Variants in AGMO observed in about 807,000 individuals in gnomAD.
The protein encoded by AGMO is glyceryl-ether monooxygenase.
A neutral mutation model predicts 60.2 loss-of-function variants in AGMO; 75 were observed. That is an observed-to-expected ratio of 1.25 (90% CI 1.03 to 1.51). The LOEUF (loss-of-function observed/expected upper bound fraction) is 1.51. Ranked by LOEUF, AGMO falls within the 40% of genes most tolerant of loss-of-function variation. AGMO has a pLI of 0.00. For synonymous variants in AGMO, 261 were observed against 177.1 expected (o/e 1.47, Z -3.76); for missense variants, 763 against 525.5 (o/e 1.45, Z -4.42).
At position 15,549,148 on chromosome 7, in the gene AGMO, A is replaced by C. The variant is rs1235940193; in HGVS notation, c.258-4225T>G. Among the ~76,000 whole-genome samples, 1,264 of 147,458 alleles carry C rather than the reference A, an allele frequency of 8.6e-3. 7 individuals are homozygous for C. The highest frequency in any genetic ancestry group is 0.03 in the African/African-American group (1,167 of 39,034). On this transcript the variant is annotated intron_variant, in intron 2 of 12. Coordinates refer to ENST00000342526, the MANE Select transcript of AGMO (RefSeq NM_001004320.2). Reference sequence around the variant, plus strand: ...TTTTGTCACCACCAGGCCTGCCCTAAAAGAGCTCCTGAAGGAAGCGCTAAA... The same window carrying C: ...TTTTGTCACCACCAGGCCTGCCCTACAAGAGCTCCTGAAGGAAGCGCTAAA...
chr7:15,544,312 A>C (rs987570335), intron 3 of AGMO, among the ~76,000 whole-genome samples: 2 of 152,146 alleles, frequency 1.3e-5, no homozygotes, highest in Admixed American at 1.3e-4. Context: ...CGGAAATCAA[A>C]ACTGAAGAAC....
intron 12 of AGMO, among the ~76,000 whole-genome samples, chr7:15,232,365 T>C (rs1307316588): frequency 1.3e-5 from 2 of 152,202 alleles, no homozygotes; most frequent in East Asian, 3.9e-4. Context: ...AAAAGATAGC[T>C]TTTCCCTTTT....
At chr7:15,346,364 A>T (rs1782031507) in intron 12 of AGMO, among the ~76,000 whole-genome samples, 1 of 152,114 alleles carries the variant, frequency 6.6e-6, no homozygotes, top group Admixed American at 6.6e-5. Flanking sequence ...TTTAGTAAAT[A>T]ACTTGGGCTT....
chr7:15,307,520 T>C (rs985661161), intron 12 of AGMO, among the ~76,000 whole-genome samples: 5 of 151,966 alleles, frequency 3.3e-5, no homozygotes, highest in African/African-American at 7.2e-5. Flanking sequence ...CAGTAAAGTA[T>C]ACTAGTTTTT....
At chr7:15,348,282 A>G (rs1471144322) in intron 12 of AGMO, among the ~76,000 whole-genome samples, 1 of 152,080 alleles carries the variant, frequency 6.6e-6, no homozygotes, top group Non-Finnish European at 1.5e-5. Context: ...AACCCTCATC[A>G]ATATACATCA....
At chr7:15,191,191 T>C in the AGMO span, among the ~76,000 whole-genome samples, 3 of 152,292 alleles carry the variant, frequency 2.0e-5, no homozygotes, top group Non-Finnish European at 2.9e-5. Flanking sequence ...ACAGTTTCTT[T>C]ATAGAGTGGG....
intron 6 of AGMO, 47 bp downstream of exon 6, chr7:15,394,066 A>C (rs1784263826): frequency 7.1e-7 from 1 of 1,417,474 alleles, no homozygotes; most frequent in African/African-American, 1.4e-5. Context: ...TAATAATGCA[A>C]TTTTTAGAGA....
intron 10 of AGMO, among the ~76,000 whole-genome samples, chr7:15,369,872 G>A (rs1231860570): frequency 6.6e-6 from 1 of 152,068 alleles, no homozygotes; most frequent in African/African-American, 2.4e-5. Context: ...TTGCTAATAT[G>A]TTATTTTGGG....
the AGMO span, among the ~76,000 whole-genome samples, chr7:15,193,296 A>G: frequency 6.6e-6 from 1 of 152,196 alleles, no homozygotes; most frequent in Non-Finnish European, 1.5e-5. Context: ...CATATGTCAT[A>G]GCTCTTGTAT....
At chr7:15,376,605 T>A (rs1429616044) in intron 10 of AGMO, among the ~76,000 whole-genome samples, 1 of 152,132 alleles carries the variant, frequency 6.6e-6, no homozygotes, top group Admixed American at 6.6e-5. Context: ...TTATTACATA[T>A]CCTATTATAA....
intron 3 of AGMO, among the ~76,000 whole-genome samples, chr7:15,433,630 T>G (rs1188007391): frequency 6.6e-6 from 1 of 152,114 alleles, no homozygotes; most frequent in Non-Finnish European, 1.5e-5. Context: ...GAATTATCTG[T>G]TTTAAGAAAT....
the AGMO span, among the ~76,000 whole-genome samples, chr7:15,163,023 G>A: frequency 6.6e-6 from 1 of 152,010 alleles, no homozygotes; most frequent in Non-Finnish European, 1.5e-5. Flanking sequence ...AGTTCTCCTT[G>A]TAGAGCTCAT....
At chr7:15,473,409 T>A (rs75012335) in intron 3 of AGMO, among the ~76,000 whole-genome samples, 2 of 151,962 alleles carry the variant, frequency 1.3e-5, no homozygotes, top group African/African-American at 4.8e-5. Context: ...GAGGCCAGCA[T>A]CATCCTGATA....
chr7:15,479,332 T>A (rs572678132), intron 3 of AGMO, among the ~76,000 whole-genome samples: 1 of 152,182 alleles, frequency 6.6e-6, no homozygotes, highest in East Asian at 1.9e-4. Flanking sequence ...ACAGGTGATA[T>A]CAACATCATT....
intron 4 of AGMO, among the ~76,000 whole-genome samples, chr7:15,429,201 T>C (rs1781159948): frequency 6.6e-6 from 1 of 152,198 alleles, no homozygotes; most frequent in African/African-American, 2.4e-5. Context: ...GTGCCTTCCC[T>C]ACCCAAATTC....
At chr7:15,348,460 A>C (rs1305085700) in intron 12 of AGMO, among the ~76,000 whole-genome samples, 1 of 152,118 alleles carries the variant, frequency 6.6e-6, no homozygotes, top group Non-Finnish European at 1.5e-5. Flanking sequence ...AATGAAAGAA[A>C]GTTGTATGAA....
intron 12 of AGMO, among the ~76,000 whole-genome samples, chr7:15,310,627 C>T (rs1780742722): frequency 1.3e-5 from 2 of 152,066 alleles, no homozygotes; most frequent in Admixed American, 6.6e-5. Context: ...TATTTAACTA[C>T]ATTCTTTATA....
intron 3 of AGMO, among the ~76,000 whole-genome samples, chr7:15,544,397 C>T (rs1165509956): frequency 6.6e-6 from 1 of 151,990 alleles, no homozygotes; most frequent in Non-Finnish European, 1.5e-5. Flanking sequence ...ACAAAAAAAC[C>T]TTTTATCCCA....
In AGMO at chr7:15,549,594, A is replaced by T. The variant is rs1156983418; in HGVS notation, c.258-4671T>A. 4.7e-5 allele frequency among the ~76,000 whole-genome samples: 7 copies of T among 150,394 alleles called. No homozygotes were observed. In the East Asian group the frequency reaches 1.4e-3, roughly 30 times the overall value. On this transcript the variant is annotated intron_variant, in intron 2 of 12. Coordinates refer to ENST00000342526, the MANE Select transcript of AGMO (RefSeq NM_001004320.2). Reference sequence around the variant, plus strand: ...AAGGCCATTACATAATGGTAAAGGGATCAATTCAACAAGAAGAGCTAACTA... The same window carrying T: ...AAGGCCATTACATAATGGTAAAGGGTTCAATTCAACAAGAAGAGCTAACTA...
Sources: gnomAD v4.1 joint callset for allele counts (sites outside exome capture counted in the v4.1 genomes callset) on GRCh38, gnomAD v4.1.1 for gene constraint, MANE v1.5 for transcripts, NCBI Gene and HGNC (gene_info 2026-07-23, HGNC 2026-07-21) for gene names.